SUCO: variants seen among roughly 807,000 people sequenced by gnomAD.
SUCO encodes SUN domain containing ossification factor.
SUCO carries 57 observed loss-of-function variants against 148.1 expected under a neutral mutation model. The ratio of observed to expected loss-of-function variants is 0.38; its 90% CI spans 0.31 to 0.48. SUCO has a LOEUF of 0.48. Ranked by LOEUF, SUCO falls within the 20% of genes least tolerant of loss-of-function variation. The pLI, the probability that SUCO is intolerant of heterozygous loss-of-function variation, is 0.96. For missense variants in SUCO, 1,331 were observed against 1,468.2 expected (o/e 0.91, Z 1.53); for synonymous variants, 470 against 502.7 (o/e 0.93, Z 0.87).
intron 6 of SUCO, among the ~76,000 whole-genome samples, chr1:172,563,839 G>A (rs898673252): frequency 3.3e-5 from 5 of 152,172 alleles, no homozygotes; most frequent in African/African-American, 9.7e-5. Context: ...CCCTCCCATC[G>A]CAGGCCAGGA....
intron 17 of SUCO, among the ~76,000 whole-genome samples, chr1:172,587,113 G>GA (rs1656298877): frequency 1.3e-5 from 2 of 151,358 alleles, no homozygotes; most frequent in African/African-American, 4.9e-5. Flanking sequence ...ATGTGCACAA[G>GA]TAGGAATATT....
chr1:172,609,174 G>A (rs527564037), intron 23 of SUCO: 117 of 834,620 alleles, frequency 1.4e-4, no homozygotes, highest in African/African-American at 3.1e-4. Context: ...AGCATGCACC[G>A]TTCCTCTAAT....
rs531386829 is a variant in SUCO at position 172,573,648 on chromosome 1, A to T, written c.1050-243A>T. Among the ~76,000 whole-genome samples, 293 of 152,082 alleles carry T rather than the reference A, an allele frequency of 1.9e-3. 1 individual carries two copies. Among genetic ancestry groups the T allele is most frequent in the Non-Finnish European group, 3.1e-3 (212 of 67,910 alleles). On this transcript the variant is annotated intron_variant, in intron 9 of 23. Coordinates refer to ENST00000263688, the MANE Select transcript of SUCO (RefSeq NM_014283.5). ...GTGTTATCTAAAAAAGGAATTTTTA[A>T]AAAAAAATGATGGAGCAAAATCAAT...
chr1:172,542,810 G>C, intron 1 of SUCO: 5 of 985,360 alleles, frequency 5.1e-6, no homozygotes, highest in Non-Finnish European at 6.0e-6. Context: ...CTGAAAGAAA[G>C]GAGGAAACTG....
intron 6 of SUCO, among the ~76,000 whole-genome samples, chr1:172,564,504 G>A (rs1268674755): frequency 6.6e-6 from 1 of 152,140 alleles, no homozygotes; most frequent in Non-Finnish European, 1.5e-5. Flanking sequence ...ATGTGTAAAA[G>A]GTGCTTGCTT....
intron 10 of SUCO, among the ~76,000 whole-genome samples, chr1:172,575,128 T>C (rs1376085417): frequency 6.6e-6 from 1 of 151,990 alleles, no homozygotes; most frequent in Non-Finnish European, 1.5e-5. Context: ...GTTTTAAAAG[T>C]TTTTTCTTCC....
intron 1 of SUCO, among the ~76,000 whole-genome samples, chr1:172,548,833 A>T (rs1653063347): frequency 6.6e-6 from 1 of 151,996 alleles, no homozygotes; most frequent in Non-Finnish European, 1.5e-5. Flanking sequence ...TTTAATTTAT[A>T]TGTGGTATAA....
In SUCO at chr1:172,569,046, A is replaced by G; in HGVS notation, c.760A>G (p.Ile254Val). ...ESSDYTKPGDIDPTSVASPKD... is the reference protein window; with the variant it reads ...ESSDYTKPGDVDPTSVASPKD... ...CTCTGATTATACAAAACCAGGAGAC[A>G]TTGACCCTACATCAGTAGCAAGTCC... is the stretch of plus-strand genomic sequence containing the variant. The change falls in exon 7 of 24, where the codon ATT becomes GTT. Residue 254 changes from isoleucine to valine, a missense_variant. By Grantham distance (29) the Ile-to-Val change is conservative. This residue lies in a region of SUCO where 992 missense variants were observed against 1,093.5 expected (regional missense o/e 0.91). Transcript: ENST00000263688. 1.3e-6 allele frequency: 2 copies of G among 1,595,426 alleles called. No individual in the cohort carries two copies. Among genetic ancestry groups the G allele is most frequent in the Non-Finnish European group, 1.7e-6 (2 of 1,175,136 alleles).
At chr1:172,588,397 G>A in intron 17 of SUCO, 1 of 984,676 alleles carries the variant, frequency 1.0e-6, no homozygotes, top group Non-Finnish European at 1.2e-6. Context: ...GTAAGGGATA[G>A]TGAAGCTTGT....
chr1:172,572,326 C>G (rs1005467584), intron 9 of SUCO, among the ~76,000 whole-genome samples: 1 of 151,678 alleles, frequency 6.6e-6, no homozygotes, highest in Admixed American at 6.6e-5. Flanking sequence ...GAGGTAGACA[C>G]GGGAGACTTT....
At chr1:172,563,677 T>G (rs1392611177) in intron 6 of SUCO, among the ~76,000 whole-genome samples, 2 of 152,246 alleles carry the variant, frequency 1.3e-5, no homozygotes, top group African/African-American at 2.4e-5. Flanking sequence ...TTGGAAAATT[T>G]GCAGCCTGAC....
chr1:172,534,797 G>C (rs1379461507), intron 1 of SUCO, among the ~76,000 whole-genome samples: 1 of 151,942 alleles, frequency 6.6e-6, no homozygotes, highest in Non-Finnish European at 1.5e-5. Flanking sequence ...CTCTTTCTGG[G>C]GCTGCCTAGT....
rs1379162187 is a variant in SUCO at position 172,589,095 on chromosome 1, C to G, written c.1994C>G (p.Pro665Arg). 6.2e-7 allele frequency: 1 copy of G among 1,613,552 alleles called. No homozygotes were observed. The highest frequency in any genetic ancestry group is 1.7e-5 in the Admixed American group (1 of 59,944). ...GATTATCTTGTGTTAGCTCAACCAC[C>G]CTTACTACTTCCTGCGGAATCAGTA... is the stretch of plus-strand genomic sequence containing the variant. ...GKDYLVLAQP[P>R]LLLPAESVDV... The change falls in exon 18 of 24, where the codon CCC becomes CGC. Residue 665 changes from proline to arginine, a missense_variant. This residue lies in a region of SUCO where 992 missense variants were observed against 1,093.5 expected (regional missense o/e 0.91). Transcript: ENST00000263688.
chr1:172,537,272 GA>G lies in SUCO; in HGVS notation c.62+3780del, dbSNP rs1430161764. ...TAATTAATGCAAGTTAGATATTTAA[GA>G]AAAATGAGAAAAAAATAATAATTTC... On this transcript the variant is annotated intron_variant, in intron 1 of 23. Transcript: ENST00000263688. 5.3e-5 allele frequency among the ~76,000 whole-genome samples: 8 copies of G among 152,112 alleles called. No individual in the cohort carries two copies. In the East Asian group the frequency reaches 1.2e-3, roughly 22 times the overall value.
At chr1:172,532,565 G>C (rs1364017309), upstream of SUCO, 1 of 1,613,904 alleles carries the variant, frequency 6.2e-7, no homozygotes. Flanking sequence ...GCTTGGTGCA[G>C]CTTCCCTCAC....
chr1:172,555,768 A>G, intron 3 of SUCO, 101 bp from the exon 4 acceptor site: 6 of 941,680 alleles, frequency 6.4e-6, no homozygotes, highest in Admixed American at 6.2e-5. Flanking sequence ...CATTGTTTAT[A>G]TTGTCATTTT....
In SUCO at chr1:172,602,222, A is replaced by G. The variant is rs761457964; in HGVS notation, c.3173+4A>G. On this transcript the variant is annotated splice_donor_region_variant and intron_variant, in intron 21 of 23. Transcript: ENST00000263688. ...ATCAGTATCCAAGCCCTAAAAGGTAATATCAGCATTATATTTCACAATTTT... is the reference window on the plus strand; with the variant it reads ...ATCAGTATCCAAGCCCTAAAAGGTAGTATCAGCATTATATTTCACAATTTT... 1.3e-6 allele frequency: 2 copies of G among 1,590,400 alleles called. No homozygotes were observed. The highest frequency in any genetic ancestry group is 1.4e-5 in the African/African-American group (1 of 73,754).
intron 2 of SUCO, chr1:172,551,904 T>A (rs899416789): frequency 9.2e-6 from 2 of 216,606 alleles, no homozygotes; most frequent in African/African-American, 4.6e-5. Context: ...GATTTGTTTT[T>A]AATGATCTAT....
intron 19 of SUCO, among the ~76,000 whole-genome samples, chr1:172,596,393 C>T (rs538263811): frequency 4.2e-4 from 64 of 152,344 alleles, no homozygotes; most frequent in African/African-American, 1.3e-3. Context: ...CTTTTCTGCT[C>T]TGGTTTCTCC....
Sources: allele counts gnomAD v4.1 joint callset (sites outside exome capture counted in the v4.1 genomes callset), GRCh38; gene constraint gnomAD v4.1.1; regional missense constraint gnomAD v4.1.1; transcripts MANE v1.5; gene names NCBI Gene and HGNC (gene_info 2026-07-23, HGNC 2026-07-21).